Variants in LRPPRC observed in about 807,000 individuals in gnomAD.
LRPPRC encodes leucine-rich PPR motif-containing protein, mitochondrial.
A neutral mutation model predicts 180.3 loss-of-function variants in LRPPRC; 120 were observed. The observed-to-expected ratio is 0.67, with a 90% confidence interval of 0.57 to 0.77. The LOEUF (loss-of-function observed/expected upper bound fraction) is 0.77. Ranked by LOEUF, LRPPRC falls within the 30% of genes least tolerant of loss-of-function variation. The pLI is 0.00. For missense variants in LRPPRC, 2,012 were observed against 1,657.2 expected (o/e 1.21, Z -3.72); for synonymous variants, 723 against 600.0 (o/e 1.21, Z -3.00).
rs879242425 is a variant in LRPPRC at position 43,889,826 on chromosome 2, C to A, written c.4036G>T (p.Ala1346Ser). The change falls in exon 37 of 38, where the codon GCA (alanine) becomes TCA (serine). Residue 1346 changes from alanine to serine, a missense_variant. Ala to Ser is a moderately conservative substitution (Grantham distance 99, BLOSUM62 1). Coordinates refer to ENST00000260665, the MANE Select transcript of LRPPRC (RefSeq NM_133259.4). ...AGATCATCCAATTTTGTATTCTTTG[C>A]AGTCAAATGTTCATACAGTGCTTTA... Reference protein sequence around the residue: ...SAKALYEHLTAKNTKLDDLFL... With the variant: ...SAKALYEHLTSKNTKLDDLFL... 1 of 1,609,002 alleles carries A rather than the reference C, an allele frequency of 6.2e-7. No individual in the cohort carries two copies. The highest frequency in any genetic ancestry group is 1.1e-5 in the South Asian group (1 of 90,944).
rs1265916100 is a variant in LRPPRC at position 43,986,088 on chromosome 2, T to G, written c.150-3654A>C. Among the ~76,000 whole-genome samples the G allele has an allele frequency of 2.0e-5, 3 of 152,206 alleles. 1 individual carries two copies. In the South Asian group the frequency reaches 6.2e-4, roughly 31 times the overall value. On this transcript the variant is annotated intron_variant, in intron 1 of 37. Coordinates refer to ENST00000260665, the MANE Select transcript of LRPPRC (RefSeq NM_133259.4). ...GTTGAACATCTTTTCGTATGCTTATTTGCCATCTATATGTCTTTTCTGGTG... is the reference window on the plus strand; with the variant it reads ...GTTGAACATCTTTTCGTATGCTTATGTGCCATCTATATGTCTTTTCTGGTG...
At chr2:43,976,748 C>G (rs1423917262) in intron 5 of LRPPRC, among the ~76,000 whole-genome samples, 1 of 149,984 alleles carries the variant, frequency 6.7e-6, no homozygotes, top group Non-Finnish European at 1.5e-5. Context: ...CTTTATAGCT[C>G]AACAACTTTA....
intron 11 of LRPPRC, among the ~76,000 whole-genome samples, chr2:43,964,933 C>T (rs1474616622): frequency 6.6e-6 from 1 of 152,172 alleles, no homozygotes; most frequent in Non-Finnish European, 1.5e-5. Context: ...ATAGTTTCAG[C>T]TATTCACGAG....
At chr2:43,992,314 C>A (rs1030600130) in intron 1 of LRPPRC, among the ~76,000 whole-genome samples, 1 of 152,200 alleles carries the variant, frequency 6.6e-6, no homozygotes, top group Non-Finnish European at 1.5e-5. Flanking sequence ...ACTAGACCTA[C>A]AAAATCAGAA....
chr2:43,899,092 T>G, intron 34 of LRPPRC, 127 bp downstream of exon 34: 1 of 721,630 alleles, frequency 1.4e-6, no homozygotes, highest in Non-Finnish European at 2.5e-6. Context: ...TCACACTGAA[T>G]GTAAACAAGC....
intron 12 of LRPPRC, among the ~76,000 whole-genome samples, chr2:43,961,038 A>G (rs968870821): frequency 6.6e-6 from 1 of 152,228 alleles, no homozygotes; most frequent in Non-Finnish European, 1.5e-5. Context: ...TTGTTTAACA[A>G]TTTAAATATA....
chr2:43,945,336 G>C lies in LRPPRC; in HGVS notation c.2292C>G (p.Leu764=). Reference sequence around the variant, plus strand: ...CCTTTATGTGCTGAGGCTTACCTTGGAGCTTGCCATGCTTTGCCAATACTC... The same window carrying C: ...CCTTTATGTGCTGAGGCTTACCTTGCAGCTTGCCATGCTTTGCCAATACTC... ...LVRVLAKHGK[L]QDAINILKEM... Residue 764 remains leucine, a synonymous_variant, in exon 22 of 38, where the codon CTC becomes CTG. Coordinates refer to ENST00000260665, the MANE Select transcript of LRPPRC (RefSeq NM_133259.4). The C allele has an allele frequency of 6.2e-7, 1 of 1,608,740 alleles. No homozygotes were observed.
At chr2:43,921,834 T>C (rs750100189) in intron 27 of LRPPRC, among the ~76,000 whole-genome samples, 3 of 152,204 alleles carry the variant, frequency 2.0e-5, no homozygotes, top group Non-Finnish European at 2.9e-5. Context: ...AGAAATAATA[T>C]ATGAATCATT....
At chr2:43,934,072 G>C in intron 25 of LRPPRC, 118 bp downstream of exon 25, 1 of 678,476 alleles carries the variant, frequency 1.5e-6, no homozygotes, top group South Asian at 1.7e-5. Flanking sequence ...ACATTACTGG[G>C]ATTGAATTCT....
rs761372825 is a variant in LRPPRC at position 43,975,258 on chromosome 2, A to G, written c.738-41T>C. The G allele has an allele frequency of 1.9e-6, 3 of 1,569,082 alleles. No individual in the cohort carries two copies. In the East Asian group the frequency reaches 6.7e-5, roughly 35 times the overall value. On this transcript the variant is annotated intron_variant, in intron 6 of 37. Transcript: ENST00000260665. ...AAAAACAGATTATTATGCTTTTGCC[A>G]AATTTAATATAGTTATTCAAACTAA...
intron 14 of LRPPRC, 63 bp from the exon 15 acceptor site, chr2:43,950,663 G>A: frequency 9.4e-7 from 1 of 1,063,140 alleles, no homozygotes; most frequent in Non-Finnish European, 1.5e-6. Flanking sequence ...ATGCATACTT[G>A]TAATATGTAC....
intron 27 of LRPPRC, among the ~76,000 whole-genome samples, chr2:43,920,160 G>C (rs1049700706): frequency 5.3e-5 from 8 of 150,752 alleles, no homozygotes; most frequent in African/African-American, 1.7e-4. Context: ...TTTTGAGATG[G>C]AGTCTTGCTC....
intron 8 of LRPPRC, 132 bp from the exon 9 acceptor site, chr2:43,974,427 A>C: frequency 1.2e-6 from 1 of 825,364 alleles, no homozygotes. Context: ...AATAACAATA[A>C]AACACCTGCA....
At chr2:43,930,599 G>C (rs370500845) in intron 25 of LRPPRC, among the ~76,000 whole-genome samples, 2 of 152,078 alleles carry the variant, frequency 1.3e-5, no homozygotes, top group African/African-American at 4.8e-5. Flanking sequence ...TCTCCTTTGA[G>C]AAAAACTTTC....
chr2:43,949,461 T>C (rs755066936), intron 16 of LRPPRC, 141 bp downstream of exon 16: 36 of 698,452 alleles, frequency 5.2e-5, no homozygotes, highest in Non-Finnish European at 9.1e-5. Flanking sequence ...AATGTTGTAA[T>C]CAATATAAAG....
At chr2:43,964,702 A>T (rs1381573070) in intron 11 of LRPPRC, among the ~76,000 whole-genome samples, 2 of 152,204 alleles carry the variant, frequency 1.3e-5, no homozygotes, top group Non-Finnish European at 2.9e-5. Flanking sequence ...TATGTAAAAA[A>T]AAAACTATAA....
intron 23 of LRPPRC, among the ~76,000 whole-genome samples, chr2:43,939,479 G>GA (rs369612074): frequency 6.6e-6 from 1 of 151,612 alleles, no homozygotes; most frequent in Non-Finnish European, 1.5e-5. Flanking sequence ...TGTGGGGGGA[G>GA]AAAAAAGTTT....
At chr2:43,901,280 T>C (rs745717069) in intron 32 of LRPPRC, 40 bp downstream of exon 32, 2 of 1,538,782 alleles carry the variant, frequency 1.3e-6, no homozygotes, top group Non-Finnish European at 1.8e-6. Context: ...ATGCCCATTC[T>C]AGTGACCAAT....
At chr2:43,989,002 G>C (rs1308457118) in intron 1 of LRPPRC, among the ~76,000 whole-genome samples, 1 of 152,090 alleles carries the variant, frequency 6.6e-6, no homozygotes, top group African/African-American at 2.4e-5. Context: ...CAGCTCCCAA[G>C]TAGCTAGGAC....
Sources: gnomAD v4.1 joint callset for allele counts (sites outside exome capture counted in the v4.1 genomes callset) on GRCh38, gnomAD v4.1.1 for gene constraint, MANE v1.5 for transcripts, NCBI Gene and HGNC (gene_info 2026-07-23, HGNC 2026-07-21) for gene names.